Variants in BARD1 observed in about 807,000 individuals in gnomAD.
BARD1 encodes the protein BRCA1 associated RING domain 1.
BARD1 carries 73 observed loss-of-function variants against 77.0 expected under a neutral mutation model. That is an observed-to-expected ratio of 0.95 (90% CI 0.79 to 1.15). The LOEUF (loss-of-function observed/expected upper bound fraction) is 1.15, where lower values mean the gene tolerates loss of function less well. Ranked by LOEUF, BARD1 falls within the 50% of genes most tolerant of loss-of-function variation. BARD1 has a pLI of 0.00. For synonymous variants in BARD1, 384 were observed against 338.0 expected (o/e 1.14, Z -1.49); for missense variants, 993 against 938.8 (o/e 1.06, Z -0.75).
chr2:214,745,292 G>A (rs1693051043), intron 8 of BARD1, 133 bp from the exon 9 acceptor site: 1 of 744,708 alleles, frequency 1.3e-6, no homozygotes, highest in Non-Finnish European at 2.3e-6. Flanking sequence ...TTACACTTAA[G>A]TGTAAGACTA....
chr2:214,732,146 G>A (rs1477166062), intron 9 of BARD1, among the ~76,000 whole-genome samples: 2 of 152,162 alleles, frequency 1.3e-5, no homozygotes, highest in African/African-American at 2.4e-5. Flanking sequence ...CTTGAAAAAT[G>A]CTAGTGATAA....
Position 214,779,612 on chromosome 2 carries a change from C to G in BARD1, c.1314+948G>C, listed in dbSNP as rs1694885917. ...CACAGAAATACAGGAATCTTTGGAC[C>G]ACACTCAATGTCTACTCCATGTTCT... On this transcript the variant is annotated intron_variant, in intron 4 of 10. Transcript: ENST00000260947. Among the ~76,000 whole-genome samples the G allele has an allele frequency of 2.0e-5, 3 of 152,240 alleles. No homozygotes were observed. In the East Asian group the frequency reaches 5.8e-4, roughly 29 times the overall value.
chr2:214,767,550 A>G lies in BARD1; in HGVS notation c.1500T>C (p.Asp500=), dbSNP rs1694266892. Residue 500 remains aspartate (D), a synonymous_variant, in exon 6 of 11, where the codon GAT becomes GAC. Coordinates refer to ENST00000260947, the MANE Select transcript of BARD1 (RefSeq NM_000465.4). ...TATCCACATGCCCATTCTTGGCTGC[A>G]TCGTGAAGTGGTGAGTCATTTTGAT... is the stretch of plus-strand genomic sequence containing the variant. ...TGYQNDSPLH[D]AAKNGHVDIV... 1 of 1,614,110 alleles carries G rather than the reference A, an allele frequency of 6.2e-7. No homozygotes were observed. The highest frequency in any genetic ancestry group is 8.5e-7 in the Non-Finnish European group (1 of 1,179,964).
At chr2:214,794,479 G>A (rs1340267982) in intron 2 of BARD1, among the ~76,000 whole-genome samples, 2 of 152,134 alleles carry the variant, frequency 1.3e-5, no homozygotes, top group Non-Finnish European at 2.9e-5. Context: ...TTGCAAAAAT[G>A]TACAACAGTG....
intron 4 of BARD1, among the ~76,000 whole-genome samples, chr2:214,778,905 A>G (rs1407763414): frequency 6.6e-6 from 1 of 152,198 alleles, no homozygotes; most frequent in African/African-American, 2.4e-5. Context: ...TAGTCCAAAA[A>G]TTTCCCAGAA....
At chr2:214,770,148 A>C (rs998301715) in intron 4 of BARD1, among the ~76,000 whole-genome samples, 2 of 152,128 alleles carry the variant, frequency 1.3e-5, no homozygotes, top group African/African-American at 4.8e-5. Flanking sequence ...GCTCTGTTTA[A>C]AATGGCAAAA....
chr2:214,793,054 C>T (rs1211063676), intron 2 of BARD1, among the ~76,000 whole-genome samples: 1 of 152,112 alleles, frequency 6.6e-6, no homozygotes, highest in Non-Finnish European at 1.5e-5. Flanking sequence ...GAGGGATTCA[C>T]GATCCCCCCC....
At chr2:214,743,285 G>C (rs905198891) in intron 9 of BARD1, among the ~76,000 whole-genome samples, 1 of 152,168 alleles carries the variant, frequency 6.6e-6, no homozygotes, top group Admixed American at 6.5e-5. Context: ...ACATAATTAA[G>C]ATCTTGATAA....
intron 9 of BARD1, chr2:214,730,980 A>G (rs1692329374): frequency 2.2e-6 from 1 of 452,026 alleles, no homozygotes; most frequent in East Asian, 7.0e-5. Flanking sequence ...ACATGAAGGA[A>G]TGTGCTTTAG....
chr2:214,773,194 A>G (rs532805812), intron 4 of BARD1, among the ~76,000 whole-genome samples: 1 of 152,342 alleles, frequency 6.6e-6, no homozygotes, highest in Admixed American at 6.5e-5. Context: ...CACACATAAA[A>G]ACAAAACTTT....
At chr2:214,750,174 C>T (rs890783610) in intron 7 of BARD1, among the ~76,000 whole-genome samples, 1 of 152,086 alleles carries the variant, frequency 6.6e-6, no homozygotes, top group Non-Finnish European at 1.5e-5. Flanking sequence ...TAAAACTCTT[C>T]TTCTTCTCTC....
At chr2:214,776,410 C>T (rs139772442) in intron 4 of BARD1, among the ~76,000 whole-genome samples, 120 of 152,272 alleles carry the variant, frequency 7.9e-4, no homozygotes, top group Middle Eastern at 3.4e-3. Context: ...TTTCTACTTA[C>T]GCACAAAGCT....
chr2:214,801,404 T>C (rs899158031), intron 1 of BARD1, among the ~76,000 whole-genome samples: 1 of 152,220 alleles, frequency 6.6e-6, no homozygotes, highest in African/African-American at 2.4e-5. Context: ...TTCACACTTA[T>C]CTGTCGTTCA....
In BARD1 at chr2:214,781,471, C is replaced by T. The variant is rs747455698; in HGVS notation, c.403G>A (p.Asp135Asn). ...EDKPRKSLFNDAGNKKNSIKM... is the reference protein window; with the variant it reads ...EDKPRKSLFNNAGNKKNSIKM... ...ATTGAATTCTTCTTGTTTCCTGCATCATTAAACAAACTTTTCCTAGGTTTA... is the reference window on the plus strand; with the variant it reads ...ATTGAATTCTTCTTGTTTCCTGCATTATTAAACAAACTTTTCCTAGGTTTA... The change falls in exon 4 of 11, where the codon GAT becomes AAT. Residue 135 changes from aspartate to asparagine, a missense_variant. Asp to Asn is a conservative substitution (Grantham distance 23). Transcript: ENST00000260947. The T allele has an allele frequency of 6.2e-7, 1 of 1,612,168 alleles. No homozygotes were observed. The highest frequency in any genetic ancestry group is 2.2e-5 in the East Asian group (1 of 44,858).
At position 214,752,273 on chromosome 2, in the gene BARD1, G is replaced by C. The variant is rs111381367; in HGVS notation, c.1677+174C>G. 2.7e-3 allele frequency among the ~76,000 whole-genome samples: 416 copies of C among 152,294 alleles called. 3 individuals carry two copies. The highest frequency in any genetic ancestry group is 9.3e-3 in the African/African-American group (388 of 41,566). ...AGAGTGGGCTCAATAAGTATTTCTAGATGGTCGTACTGTGATTATGTCTTT... is the reference window on the plus strand; with the variant it reads ...AGAGTGGGCTCAATAAGTATTTCTACATGGTCGTACTGTGATTATGTCTTT... On this transcript the variant is annotated intron_variant, in intron 7 of 10. Coordinates refer to ENST00000260947, the MANE Select transcript of BARD1 (RefSeq NM_000465.4).
At chr2:214,805,948 A>G (rs1464156961) in intron 1 of BARD1, among the ~76,000 whole-genome samples, 1 of 152,202 alleles carries the variant, frequency 6.6e-6, no homozygotes, top group African/African-American at 2.4e-5. Flanking sequence ...TGGGGCTTCT[A>G]CACTGCAGCT....
chr2:214,750,403 T>C (rs973911267), intron 7 of BARD1, among the ~76,000 whole-genome samples: 8 of 152,158 alleles, frequency 5.3e-5, no homozygotes, highest in African/African-American at 1.9e-4. Flanking sequence ...CCTAACCCTT[T>C]ACCCTGAATC....
In BARD1 at chr2:214,728,990, C is replaced by T. The variant is rs1328046615; in HGVS notation, c.2020G>A (p.Gly674Arg). Residue 674 changes from glycine (G) to arginine (R), a missense_variant, in exon 11 of 11, where the codon GGA becomes AGA. By Grantham distance (125) the Gly-to-Arg change is moderately radical (BLOSUM62 -2). Coordinates refer to ENST00000260947, the MANE Select transcript of BARD1 (RefSeq NM_000465.4). ...GTTCCCCACAAATAGAAGTAGCATCCATCAAACAGCTTTGGCAACTGAAAT... is the reference window on the plus strand; with the variant it reads ...GTTCCCCACAAATAGAAGTAGCATCTATCAAACAGCTTTGGCAACTGAAAT... The part of the protein sequence containing the change: ...REQLLPKLFD[G>R]CYFYLWGTFK... The T allele has an allele frequency of 1.2e-6, 2 of 1,613,992 alleles. No homozygotes were observed. The highest frequency in any genetic ancestry group is 1.7e-6 in the Non-Finnish European group (2 of 1,180,022).
chr2:214,775,828 G>C (rs1694715551), intron 4 of BARD1, among the ~76,000 whole-genome samples: 1 of 152,178 alleles, frequency 6.6e-6, no homozygotes. Context: ...GACTCCAGGA[G>C]GTGTTTTAGA....
Sources: gnomAD v4.1 joint callset for allele counts (sites outside exome capture counted in the v4.1 genomes callset) on GRCh38, gnomAD v4.1.1 for gene constraint, MANE v1.5 for transcripts, NCBI Gene and HGNC (gene_info 2026-07-23, HGNC 2026-07-21) for gene names.